The following MECOM variants were observed in gnomAD, a reference collection of about 807,000 sequenced individuals.
MECOM encodes the protein MDS1 and EVI1 complex locus, also known as histone-lysine N-methyltransferase MECOM.
Under a neutral mutation model 116.3 loss-of-function variants are expected in MECOM, and 13 were observed. The ratio of observed to expected loss-of-function variants is 0.11; its 90% CI spans 0.07 to 0.18. The LOEUF is 0.18. Ranked by LOEUF, MECOM falls within the 10% of genes least tolerant of loss-of-function variation. The pLI, the probability that MECOM is intolerant of heterozygous loss-of-function variation, is 1.00. For missense variants in MECOM, 1,299 were observed against 1,509.0 expected, an observed-to-expected ratio of 0.86 and a Z score of 2.31; for synonymous variants, 528 against 535.2, an observed-to-expected ratio of 0.99 and a Z score of 0.19.
intron 2 of MECOM, among the ~76,000 whole-genome samples, chr3:169,272,818 C>G (rs1759114211): frequency 1.3e-5 from 2 of 152,114 alleles, no homozygotes; most frequent in South Asian, 4.1e-4. Flanking sequence ...TTACCCCATC[C>G]CTCACACTTT....
At chr3:169,529,327 A>G (rs748589049) in intron 1 of MECOM, among the ~76,000 whole-genome samples, 1 of 152,244 alleles carries the variant, frequency 6.6e-6, no homozygotes, top group Non-Finnish European at 1.5e-5. Context: ...AACCAGCAGG[A>G]CAATAATAGT....
At chr3:169,637,074 T>G (rs1280929301) in intron 1 of MECOM, among the ~76,000 whole-genome samples, 1 of 152,084 alleles carries the variant, frequency 6.6e-6, no homozygotes, top group Admixed American at 6.5e-5. Context: ...CAATGTTAGG[T>G]CATAAAAAGC....
intron 1 of MECOM, among the ~76,000 whole-genome samples, chr3:169,399,539 A>G (rs1735536863): frequency 6.6e-6 from 1 of 152,228 alleles, no homozygotes; most frequent in Non-Finnish European, 1.5e-5. Flanking sequence ...CAGAATTCTC[A>G]AGCTTGCTGC....
intron 1 of MECOM, among the ~76,000 whole-genome samples, chr3:169,509,983 T>C (rs901298172): frequency 1.3e-5 from 2 of 152,274 alleles, no homozygotes; most frequent in African/African-American, 4.8e-5. Flanking sequence ...AAATGTCCTC[T>C]GATAACAGAA....
chr3:169,093,097 C>T lies in MECOM; in HGVS notation c.3025G>A (p.Ala1009Thr). Reference sequence around the variant, plus strand: ...AGTTCAGAATGAGGCGACGATGTTGCTGTACCTGTGTGGAGCAGAAAGCCT... The same window carrying T: ...AGTTCAGAATGAGGCGACGATGTTGTTGTACCTGTGTGGAGCAGAAAGCCT... ...KHENGNMSGT[A>T]TSSPHSELES... Residue 1009 changes from alanine to threonine, a missense_variant, in exon 14 of 17, where the codon GCA (alanine) becomes ACA (threonine). This residue lies in a region of MECOM where 273 missense variants were observed against 289.3 expected (regional missense o/e 0.94). Transcript: ENST00000651503. 4.4e-6 allele frequency: 7 copies of T among 1,607,020 alleles called. No homozygotes were observed. Among genetic ancestry groups the T allele is most frequent in the Non-Finnish European group, 5.9e-6 (7 of 1,177,298 alleles).
rs554767956 is a variant in MECOM, at chr3:169,118,419, T to C, written c.1133-1680A>G. On this transcript the variant is annotated intron_variant, in intron 7 of 16. Coordinates refer to ENST00000651503, the MANE Select transcript of MECOM (RefSeq NM_004991.4). ...GACCAGAGTCAGCTTTAAAAGTATA[T>C]ACAATTTAACCATACACCATAAATA... is the stretch of plus-strand genomic sequence containing the variant. 3.9e-5 allele frequency among the ~76,000 whole-genome samples: 6 copies of C among 152,260 alleles called. No individual in the cohort carries two copies. The East Asian group carries it at 9.7e-4, about 25-fold the overall frequency.
chr3:169,430,613 C>G (rs2108552297), intron 1 of MECOM, among the ~76,000 whole-genome samples: 1 of 152,230 alleles, frequency 6.6e-6, no homozygotes. Flanking sequence ...GCACTATTTC[C>G]TAGTAATCTG....
intron 1 of MECOM, among the ~76,000 whole-genome samples, chr3:169,495,858 G>C (rs769549021): frequency 2.0e-5 from 3 of 152,190 alleles, no homozygotes; most frequent in Non-Finnish European, 4.4e-5. Context: ...GGTTGGGGTT[G>C]TCCTTTCCTC....
intron 1 of MECOM, among the ~76,000 whole-genome samples, chr3:169,449,701 T>C (rs187288845): frequency 1.5e-3 from 231 of 152,288 alleles, no homozygotes; most frequent in African/African-American, 5.5e-3. Context: ...TATCCCATTA[T>C]CCAACTACAT....
At chr3:169,566,555 G>T (rs886818061) in intron 1 of MECOM, among the ~76,000 whole-genome samples, 9 of 152,150 alleles carry the variant, frequency 5.9e-5, no homozygotes, top group Admixed American at 3.9e-4. Flanking sequence ...ATTGATGGGG[G>T]TTATTATTTC....
At chr3:169,182,360 A>G (rs1251858205) in intron 2 of MECOM, among the ~76,000 whole-genome samples, 1 of 152,236 alleles carries the variant, frequency 6.6e-6, no homozygotes, top group Non-Finnish European at 1.5e-5. Context: ...ATTCTAAATT[A>G]TAAATCTGGG....
chr3:169,203,059 C>T (rs556391542), intron 2 of MECOM, among the ~76,000 whole-genome samples: 1 of 152,092 alleles, frequency 6.6e-6, no homozygotes, highest in African/African-American at 2.4e-5. Context: ...CACCTTTGGA[C>T]TATTTTAGCA....
chr3:169,164,835 T>A (rs1298677005), intron 2 of MECOM, among the ~76,000 whole-genome samples: 1 of 152,212 alleles, frequency 6.6e-6, no homozygotes, highest in Non-Finnish European at 1.5e-5. Flanking sequence ...CTGTCCTTGC[T>A]ATTTGTTTCC....
At chr3:169,166,018 C>T (rs1190772886) in intron 2 of MECOM, among the ~76,000 whole-genome samples, 1 of 152,122 alleles carries the variant, frequency 6.6e-6, no homozygotes, top group African/African-American at 2.4e-5. Context: ...GAATTCCACT[C>T]TTCACTGAAG....
chr3:169,643,446 T>G (rs959273001), intron 1 of MECOM, among the ~76,000 whole-genome samples: 3 of 152,214 alleles, frequency 2.0e-5, no homozygotes, highest in African/African-American at 7.2e-5. Flanking sequence ...GCTGCACATC[T>G]GTTTTTCTTC....
At chr3:169,581,320 CT>C (rs1765094367) in intron 1 of MECOM, among the ~76,000 whole-genome samples, 1 of 152,134 alleles carries the variant, frequency 6.6e-6, no homozygotes, top group Admixed American at 6.5e-5. Flanking sequence ...TTACCTACTG[CT>C]TCCATAATCA....
At chr3:169,282,838 T>A (rs1283461327) in intron 2 of MECOM, among the ~76,000 whole-genome samples, 2 of 151,864 alleles carry the variant, frequency 1.3e-5, no homozygotes, top group African/African-American at 4.8e-5. Context: ...AATATGTATA[T>A]TGATAAATCC....
At chr3:169,105,330 G>A (rs974018865) in intron 10 of MECOM, among the ~76,000 whole-genome samples, 1 of 152,020 alleles carries the variant, frequency 6.6e-6, no homozygotes, top group Non-Finnish European at 1.5e-5. Context: ...TAAGATATTG[G>A]ATTAACACGA....
At chr3:169,249,830 A>G (rs1381815045) in intron 2 of MECOM, among the ~76,000 whole-genome samples, 1 of 152,220 alleles carries the variant, frequency 6.6e-6, no homozygotes, top group Non-Finnish European at 1.5e-5. Context: ...TAATGAAACA[A>G]CAGAGAATTA....
Sources: allele counts gnomAD v4.1 joint callset (sites outside exome capture counted in the v4.1 genomes callset), GRCh38; gene constraint gnomAD v4.1.1; regional missense constraint gnomAD v4.1.1; transcripts MANE v1.5; gene names NCBI Gene and HGNC (gene_info 2026-07-23, HGNC 2026-07-21).